Variants in KRTCAP3 observed in about 807,000 individuals in gnomAD.
The protein encoded by KRTCAP3 is keratinocyte associated protein 3.
A neutral mutation model predicts 20.5 loss-of-function variants in KRTCAP3; 18 were observed. That is an observed-to-expected ratio of 0.88 (90% CI 0.61 to 1.31). The LOEUF is 1.31. Ranked by LOEUF, KRTCAP3 falls within the 50% of genes most tolerant of loss-of-function variation. KRTCAP3 has a pLI of 0.00. For missense variants in KRTCAP3, 347 were observed against 310.4 expected (o/e 1.12, Z -0.89); for synonymous variants, 167 against 133.7 (o/e 1.25, Z -1.72).
chr2:27,445,056 A>G, downstream of KRTCAP3: 1 of 1,613,940 alleles, frequency 6.2e-7, no homozygotes, highest in Non-Finnish European at 8.5e-7. This position sits in a 1 kb window ranked among gnomAD's most constrained non-coding sequence, Gnocchi z 4.4. Context: ...CCTTGTTAGC[A>G]GCCTTCCCTG....
chr2:27,443,832 C>T lies in KRTCAP3; in HGVS notation c.616-117C>T, dbSNP rs1454698297. 46 of 688,232 alleles carry T rather than the reference C, an allele frequency of 6.7e-5. No homozygotes were observed. The East Asian group carries it at 9.4e-4, about 14-fold the overall frequency. The allele number at this position is 688,232 out of a possible 1,614,324, so 42.6% of individuals were successfully genotyped here. A position where few individuals can be genotyped will look rare whatever the true frequency, so the allele number is the denominator to read the frequency against. The stretch of plus-strand genomic sequence containing the variant: ...CGGAGGTTGCAGTGAACCGAGATCA[C>T]GCCACTGCACTCCAGCCTGGGCAAC... On this transcript the variant is annotated intron_variant, in intron 5 of 6. Transcript: ENST00000288873.
In KRTCAP3 at chr2:27,442,582, C is replaced by G; in HGVS notation, c.32C>G (p.Ala11Gly). The change falls in exon 2 of 7, where the codon GCC becomes GGC. Residue 11 changes from alanine (A) to glycine (G), a missense_variant. Coordinates refer to ENST00000288873, the MANE Select transcript of KRTCAP3 (RefSeq NM_173853.4). Reference protein sequence around the residue: MRRCSLCAFDAARGPRRLMRV... With the variant: MRRCSLCAFDGARGPRRLMRV... ...TGCCCTCCCCCGTGCTTTGCAGACG[C>G]CGCCCGGGGGCCCAGGCGGCTGATG... 6.6e-7 allele frequency: 1 copy of G among 1,526,378 alleles called. No individual in the cohort carries two copies. The highest frequency in any genetic ancestry group is 8.8e-7 in the Non-Finnish European group (1 of 1,138,682). 94.6% of individuals were successfully genotyped at this position (1,526,378 alleles called of 1,614,324 possible).
Position 27,442,660 on chromosome 2 carries a change from CCGTGCTG to C in KRTCAP3, c.112_118del (p.Val38MetfsTer21). 6.3e-7 allele frequency: 1 copy of C among 1,582,886 alleles called. No individual in the cohort carries two copies. Among genetic ancestry groups the C allele is most frequent in the Non-Finnish European group, 8.6e-7 (1 of 1,164,446 alleles). On this transcript the variant is annotated frameshift_variant, in exon 2 of 7. Transcript: ENST00000288873. LOFTEE classifies it high-confidence loss of function. Reference sequence around the variant, plus strand: ...GGCCACGTGAACCTGCTGCTGGGGGCCGTGCTGCATGGCACCGTCCTGCGGCACGTGG... The same window carrying C: ...GGCCACGTGAACCTGCTGCTGGGGGCCATGGCACCGTCCTGCGGCACGTGG...
Position 27,444,216 on chromosome 2 carries a change from G to C in KRTCAP3, c.*36G>C. The C allele has an allele frequency of 4.6e-6, 3 of 658,654 alleles. No homozygotes were observed. The highest frequency in any genetic ancestry group is 5.4e-5 in the East Asian group (2 of 36,934). The allele number at this position is 658,654 out of a possible 1,614,324, so 40.8% of individuals were successfully genotyped here. On this transcript the variant is annotated 3_prime_UTR_variant, in exon 7 of 7. Transcript: ENST00000288873. ...GCTGTTCCGAGACTCAGTCCTAAAG[G>C]GTTTTTTTTCCCACTAAGCAAGGGG... is the stretch of plus-strand genomic sequence containing the variant.
At chr2:27,444,084 G>A (rs1343350918) in intron 6 of KRTCAP3, 23 bp downstream of exon 6, 7 of 1,373,528 alleles carry the variant, frequency 5.1e-6, no homozygotes, top group Non-Finnish European at 7.3e-6. Context: ...GAAGGTGGTG[G>A]CCCGGGTAAG....
downstream of KRTCAP3, chr2:27,445,282 GT>G (rs776071272): frequency 8.1e-6 from 13 of 1,605,014 alleles, no homozygotes; most frequent in South Asian, 1.4e-4. This position sits in a 1 kb window ranked among gnomAD's most constrained non-coding sequence, Gnocchi z 4.4. Context: ...CTGGGGTGCT[GT>G]AGGCTTCTAT....
At chr2:27,446,260 C>T (rs768149033), downstream of KRTCAP3, 7 of 1,613,952 alleles carry the variant, frequency 4.3e-6, no homozygotes, top group Non-Finnish European at 5.9e-6. Flanking sequence ...CCCAGCTCAC[C>T]TTGGCAGCAA....
At chr2:27,445,032 T>C (rs777579270), downstream of KRTCAP3, 1 of 1,614,002 alleles carries the variant, frequency 6.2e-7, no homozygotes, top group South Asian at 1.1e-5. The surrounding 1 kb of genome is among the most constrained non-coding windows in gnomAD (Gnocchi z 4.4). Flanking sequence ...CCATAAGGAA[T>C]TTATTCCAGT....
chr2:27,442,638 C>A lies in KRTCAP3; in HGVS notation c.88C>A (p.His30Asn). 6.4e-7 allele frequency: 1 copy of A among 1,573,934 alleles called. No homozygotes were observed. The highest frequency in any genetic ancestry group is 8.6e-7 in the Non-Finnish European group (1 of 1,160,890). Residue 30 changes from histidine to asparagine, a missense_variant, in exon 2 of 7, where the codon CAC becomes AAC. Coordinates refer to ENST00000288873, the MANE Select transcript of KRTCAP3 (RefSeq NM_173853.4). The stretch of plus-strand genomic sequence containing the variant: ...GGGCCTCGCGCTGATCTTGGTGGGC[C>A]ACGTGAACCTGCTGCTGGGGGCCGT... Reference protein sequence around the residue: ...RVGLALILVGHVNLLLGAVLH... With the variant: ...RVGLALILVGNVNLLLGAVLH...
intron 6 of KRTCAP3, 62 bp downstream of exon 6, chr2:27,444,123 T>G (rs1664812025): frequency 2.0e-6 from 2 of 977,216 alleles, no homozygotes; most frequent in African/African-American, 3.2e-5. Flanking sequence ...CTCTTAGAAC[T>G]GGGTCTAGGT....
downstream of KRTCAP3, chr2:27,444,471 C>A: frequency 6.2e-7 from 1 of 1,613,676 alleles, no homozygotes; most frequent in Non-Finnish European, 8.5e-7. Context: ...GCCCTCCACA[C>A]CACTGACTGA....
downstream of KRTCAP3, chr2:27,445,708 G>A: frequency 6.2e-7 from 1 of 1,608,376 alleles, no homozygotes; most frequent in Non-Finnish European, 8.5e-7. This position sits in a 1 kb window ranked among gnomAD's most constrained non-coding sequence, Gnocchi z 4.4. Context: ...CACTCACACT[G>A]GTGAGGCCTT....
chr2:27,442,467 C>T (rs1433604858), intron 1 of KRTCAP3, 27 bp downstream of exon 1: 12 of 1,563,018 alleles, frequency 7.7e-6, no homozygotes, highest in East Asian at 2.4e-5. Flanking sequence ...GGCGTCTCGT[C>T]TCCTTACCCT....
In KRTCAP3 at chr2:27,442,453, C is replaced by T. The variant is rs1186588659; in HGVS notation, c.28+13C>T. 1.3e-6 allele frequency: 2 copies of T among 1,568,758 alleles called. No individual in the cohort carries two copies. Among genetic ancestry groups the T allele is most frequent in the African/African-American group, 1.4e-5 (1 of 73,682 alleles). On this transcript the variant is annotated intron_variant, in intron 1 of 6. Transcript: ENST00000288873. ...CTCTGCGCTTTCGGTAACTTCCGGG[C>T]CCTGGCGTCTCGTCTCCTTACCCTG...
intron 5 of KRTCAP3, 138 bp from the exon 6 acceptor site, chr2:27,443,811 G>C (rs1338852053): frequency 7.7e-6 from 5 of 647,470 alleles, no homozygotes; most frequent in African/African-American, 1.8e-5. Context: ...GGAAGGCGGA[G>C]GTTGCAGTGA....
At chr2:27,446,245 C>G, downstream of KRTCAP3, 1 of 1,613,076 alleles carries the variant, frequency 6.2e-7, no homozygotes, top group Non-Finnish European at 8.5e-7. Context: ...CCCACCCTTC[C>G]TTGTCCCAGC....
At chr2:27,445,934 T>A (rs780339054), downstream of KRTCAP3, 3 of 1,613,996 alleles carry the variant, frequency 1.9e-6, no homozygotes, top group Non-Finnish European at 2.5e-6. This position sits in a 1 kb window ranked among gnomAD's most constrained non-coding sequence, Gnocchi z 4.4. Flanking sequence ...CTCACATCGG[T>A]CAGGTCCAAA....
At chr2:27,444,368 TG>T, downstream of KRTCAP3, 1 of 985,400 alleles carries the variant, frequency 1.0e-6, no homozygotes, top group Non-Finnish European at 1.6e-6. Flanking sequence ...AAGAATACAG[TG>T]GTCTCAATTA....
chr2:27,445,573 T>G (rs1346529638), downstream of KRTCAP3: 6 of 1,310,144 alleles, frequency 4.6e-6, no homozygotes, highest in Non-Finnish European at 6.3e-6. This position sits in a 1 kb window ranked among gnomAD's most constrained non-coding sequence, Gnocchi z 4.4. Context: ...CCACGAATCC[T>G]CCTTGGATTG....
Sources: gnomAD v4.1 joint callset for allele counts on GRCh38, gnomAD v4.1.1 for gene constraint, Gnocchi (gnomAD v3.1) non-coding constraint, MANE v1.5 for transcripts, NCBI Gene and HGNC (gene_info 2026-07-23, HGNC 2026-07-21) for gene names.